Variants in SEC14L6 observed in about 807,000 individuals in gnomAD.
SEC14L6 encodes the protein SEC14 like lipid binding 6, also known as SEC14-like protein 6.
A neutral mutation model predicts 54.1 loss-of-function variants in SEC14L6; 40 were observed. The ratio of observed to expected loss-of-function variants is 0.74; its 90% CI spans 0.57 to 0.96. SEC14L6 has a LOEUF of 0.96. Among genes scored for constraint, SEC14L6 ranks in the 40% least tolerant of loss-of-function variants. The probability of loss-of-function intolerance (pLI) is 0.00; values close to 1 mark genes in which losing one functional copy is unlikely to be tolerated. For missense variants in SEC14L6, 471 were observed against 498.3 expected (o/e 0.95, Z 0.52); for synonymous variants, 171 against 198.4 (o/e 0.86, Z 1.16).
At chr22:30,532,212 C>T (rs755949632) in intron 5 of SEC14L6, 1 of 985,472 alleles carries the variant, frequency 1.0e-6, no homozygotes, top group Non-Finnish European at 1.2e-6. Flanking sequence ...GGCCAAATCG[C>T]TGTGTTGCAG....
chr22:30,545,564 G>T (rs1255096960), intron 1 of SEC14L6, among the ~76,000 whole-genome samples: 1 of 150,804 alleles, frequency 6.6e-6, no homozygotes, highest in Non-Finnish European at 1.5e-5. Context: ...CCAGCTATTT[G>T]TTGTTGTTGT....
At position 30,525,424 on chromosome 22, in the gene SEC14L6, A is replaced by C; in HGVS notation, c.1007T>G (p.Val336Gly). Residue 336 changes from valine to glycine, a missense_variant, in exon 11 of 12, where the codon GTG becomes GGG. Transcript: ENST00000402034. The stretch of plus-strand genomic sequence containing the variant: ...GGCATTGTAGCGCTGGCTGGGCAGC[A>C]CCTCTGTCATCTCCCTAGCCCTCTG... The part of the protein sequence containing the change: ...ERQRAREMTE[V>G]LPSQRYNAHM... 6.2e-7 allele frequency: 1 copy of C among 1,614,118 alleles called. No individual in the cohort carries two copies. The highest frequency in any genetic ancestry group is 2.2e-5 in the East Asian group (1 of 44,884).
intron 2 of SEC14L6, among the ~76,000 whole-genome samples, chr22:30,536,026 G>A (rs1007137910): frequency 6.6e-6 from 1 of 151,362 alleles, no homozygotes; most frequent in African/African-American, 2.4e-5. Context: ...GTCTGGCTAA[G>A]TTTTAAAATT....
Position 30,524,920 on chromosome 22 carries a change from G to T in SEC14L6, c.*77C>A. On this transcript the variant is annotated 3_prime_UTR_variant, in exon 12 of 12. Transcript: ENST00000402034. ...TCCCTGTTCCTGAGAGGTTGAACAG[G>T]GTCTGGCCAGGGAAGGCTGTGAACT... 1.3e-6 allele frequency: 1 copy of T among 773,966 alleles called. No homozygotes were observed. The highest frequency in any genetic ancestry group is 2.3e-6 in the Non-Finnish European group (1 of 442,174). The allele number at this position is 773,966 out of a possible 1,614,324, so 47.9% of individuals were successfully genotyped here. A position where few individuals can be genotyped will look rare whatever the true frequency, so the allele number is the denominator to read the frequency against.
rs928602106 is a variant in SEC14L6 at position 30,534,927 on chromosome 22, A to G, written c.131-888T>C. ...GTAATCCCAGCTACTTGGGAGGCTG[A>G]GGCAGGAGAATCACTTGAACCCAGG... is the stretch of plus-strand genomic sequence containing the variant. On this transcript the variant is annotated intron_variant, in intron 2 of 11. Transcript: ENST00000402034. Among the ~76,000 whole-genome samples, 68 of 151,898 alleles carry G rather than the reference A, an allele frequency of 4.5e-4. 2 individuals are homozygous for G.
chr22:30,543,023 T>A, intron 1 of SEC14L6: 2 of 1,601,010 alleles, frequency 1.2e-6, no homozygotes, highest in Non-Finnish European at 1.7e-6. Flanking sequence ...TCTGCCCCCG[T>A]GGTATCGGGC....
chr22:30,542,682 T>G, intron 1 of SEC14L6: 3 of 1,525,406 alleles, frequency 2.0e-6, no homozygotes, highest in Non-Finnish European at 8.9e-7. Context: ...TGCAGGTGAT[T>G]CAGCCTGAGA....
At chr22:30,537,998 C>G (rs2085628770) in intron 2 of SEC14L6, among the ~76,000 whole-genome samples, 1 of 152,178 alleles carries the variant, frequency 6.6e-6, no homozygotes, top group Admixed American at 6.6e-5. Context: ...ACAGTTCCCT[C>G]CCACACTGAG....
In SEC14L6 at chr22:30,525,487, C is replaced by T. The variant is rs758826578; in HGVS notation, c.944G>A (p.Gly315Asp). The change falls in exon 11 of 12, where the codon GGC (glycine) becomes GAC (aspartate). Residue 315 changes from glycine (G) to aspartate (D), a missense_variant. Coordinates refer to ENST00000402034, the MANE Select transcript of SEC14L6 (RefSeq NM_001193336.4). The stretch of plus-strand genomic sequence containing the variant: ...CTTGGTCTTCAGGAAAACCCCAAAG[C>T]CAATGTCCCCACCATCTGAAGCAAA... The part of the protein sequence containing the change: ...WQFASDGGDI[G>D]FGVFLKTKMG... 63 of 1,614,014 alleles carry T rather than the reference C, an allele frequency of 3.9e-5. No homozygotes were observed. The highest frequency in any genetic ancestry group is 3.3e-5 in the Admixed American group (2 of 60,002).
chr22:30,536,918 G>A (rs1419733788), intron 2 of SEC14L6, among the ~76,000 whole-genome samples: 1 of 151,416 alleles, frequency 6.6e-6, no homozygotes, highest in African/African-American at 2.4e-5. Flanking sequence ...CAGCTACTCA[G>A]GAGGCTGAGG....
Position 30,531,654 on chromosome 22 carries a change from G to A in SEC14L6, c.519+249C>T, listed in dbSNP as rs1448350165. ...CAGAAGAATTGCTTGAACCCGGGAG[G>A]TGAAGGTTGTAGTGAGCCGAGATCA... On this transcript the variant is annotated intron_variant, in intron 6 of 11. Coordinates refer to ENST00000402034, the MANE Select transcript of SEC14L6 (RefSeq NM_001193336.4). Among the ~76,000 whole-genome samples the A allele has an allele frequency of 2.0e-5, 3 of 152,190 alleles. No homozygotes were observed. In the East Asian group the frequency reaches 5.8e-4, roughly 29 times the overall value.
At chr22:30,542,957 C>A in intron 1 of SEC14L6, 1 of 1,601,450 alleles carries the variant, frequency 6.2e-7, no homozygotes, top group Non-Finnish European at 8.5e-7. Flanking sequence ...AAAGGGAGCC[C>A]TGACGTGGAG....
chr22:30,544,004 A>G lies in SEC14L6; in HGVS notation c.54+2625T>C, dbSNP rs577890162. The G allele has an allele frequency of 5.0e-6, 8 of 1,596,934 alleles. No homozygotes were observed. In the Admixed American group the frequency reaches 1.2e-4, roughly 23 times the overall value. On this transcript the variant is annotated intron_variant, in intron 1 of 11. Coordinates refer to ENST00000402034, the MANE Select transcript of SEC14L6 (RefSeq NM_001193336.4). ...GCTGACCTGGACATGGTGCACCTCA[A>G]CCGGACCCCCAAGCAGCTGGCCCCC...
chr22:30,526,076 TC>T, intron 8 of SEC14L6, 144 bp from the exon 9 acceptor site: 1 of 996,164 alleles, frequency 1.0e-6, no homozygotes, highest in Non-Finnish European at 1.5e-6. Flanking sequence ...AGCAGTCCTG[TC>T]CCAGAAGAGG....
chr22:30,532,689 C>T lies in SEC14L6; in HGVS notation c.259G>A (p.Gly87Ser), dbSNP rs779331658. 22 of 1,557,288 alleles carry T rather than the reference C, an allele frequency of 1.4e-5. No individual in the cohort carries two copies. In the African/African-American group the frequency reaches 2.0e-4, roughly 14 times the overall value. ...PEVVRLYNAN[G>S]ICGHDGEGSP... The stretch of plus-strand genomic sequence containing the variant: ...CCCTCACCGTCGTGGCCGCATATGC[C>T]GTTAGCGTTGTACAGCCTGACCACC... The change falls in exon 5 of 12, where the codon GGC becomes AGC. Residue 87 changes from glycine (G) to serine (S), a missense_variant. Gly to Ser is a moderately conservative substitution (Grantham distance 56). Coordinates refer to ENST00000402034, the MANE Select transcript of SEC14L6 (RefSeq NM_001193336.4).
At chr22:30,533,207 C>A (rs924492001) in intron 3 of SEC14L6, 83 of 954,566 alleles carry the variant, frequency 8.7e-5, no homozygotes, top group Non-Finnish European at 1.0e-4. Context: ...ACCTATACCC[C>A]CCTACAAGGC....
chr22:30,534,316 C>G (rs1601890058), intron 2 of SEC14L6, among the ~76,000 whole-genome samples: 1 of 152,202 alleles, frequency 6.6e-6, no homozygotes. Context: ...CCCTCAGAAT[C>G]TGTCAGAATC....
chr22:30,542,614 C>T, intron 1 of SEC14L6: 1 of 1,530,652 alleles, frequency 6.5e-7, no homozygotes. Context: ...CGGGCCGCTG[C>T]TCTGCCTGCT....
intron 2 of SEC14L6, 82 bp from the exon 3 acceptor site, chr22:30,534,121 C>T: frequency 3.7e-6 from 5 of 1,350,630 alleles, no homozygotes; most frequent in Non-Finnish European, 5.1e-6. Flanking sequence ...CCTGCCCCAC[C>T]CTCCAGGCCA....
Sources: allele counts gnomAD v4.1 joint callset (sites outside exome capture counted in the v4.1 genomes callset), GRCh38; gene constraint gnomAD v4.1.1; transcripts MANE v1.5; gene names NCBI Gene and HGNC (gene_info 2026-07-23, HGNC 2026-07-21).